The following PLEKHG2 variants were observed in gnomAD, a reference collection of about 807,000 sequenced individuals.
PLEKHG2 encodes pleckstrin homology and RhoGEF domain containing G2.
A neutral mutation model predicts 104.4 loss-of-function variants in PLEKHG2; 71 were observed. The ratio of observed to expected loss-of-function variants is 0.68; its 90% CI spans 0.56 to 0.83. The LOEUF (loss-of-function observed/expected upper bound fraction) is 0.83, where lower values mean the gene tolerates loss of function less well. Ranked by LOEUF, PLEKHG2 falls within the 40% of genes least tolerant of loss-of-function variation. The probability of loss-of-function intolerance (pLI) is 0.00; values close to 1 mark genes in which losing one functional copy is unlikely to be tolerated. For missense variants in PLEKHG2, 1,730 were observed against 1,809.4 expected (o/e 0.96, Z 0.80); for synonymous variants, 728 against 737.0 (o/e 0.99, Z 0.20).
At chr19:39,420,334 C>T (rs1004616094) in intron 11 of PLEKHG2, among the ~76,000 whole-genome samples, 2 of 150,076 alleles carry the variant, frequency 1.3e-5, no homozygotes, top group Non-Finnish European at 3.0e-5. Context: ...ACTCCAACCT[C>T]GGCAACAAGA....
At position 39,421,748 on chromosome 19, in the gene PLEKHG2, G is replaced by T. The variant is rs1035947247; in HGVS notation, c.1504-367G>T. Reference sequence around the variant, plus strand: ...AAATTTAAAAATTGAGCCAGGTACGGTGGCTCACCTGTAATCCCAGCACTT... The same window carrying T: ...AAATTTAAAAATTGAGCCAGGTACGTTGGCTCACCTGTAATCCCAGCACTT... On this transcript the variant is annotated intron_variant, in intron 16 of 18. Coordinates refer to ENST00000425673, the MANE Select transcript of PLEKHG2 (RefSeq NM_022835.3). The T allele has an allele frequency of 1.0e-4, 23 of 223,052 alleles. No individual in the cohort carries two copies. In the East Asian group the frequency reaches 2.3e-3, roughly 22 times the overall value. 13.8% of individuals were successfully genotyped at this position (223,052 alleles called of 1,614,324 possible).
chr19:39,415,525 T>C lies in PLEKHG2; in HGVS notation c.479+86T>C, dbSNP rs977262074. ...CAAACCTCGGAGCTTCGTAGTGTCC[T>C]GTCCAGGCTGGTACGTGGGGTTGTG... On this transcript the variant is annotated intron_variant, in intron 4 of 18. Transcript: ENST00000425673. The surrounding 1 kb of genome is among the most constrained non-coding windows in gnomAD (Gnocchi z 4.6). 1.4e-6 allele frequency: 2 copies of C among 1,425,458 alleles called. No homozygotes were observed. Among genetic ancestry groups the C allele is most frequent in the Non-Finnish European group, 1.9e-6 (2 of 1,035,528 alleles). 88.3% of individuals were successfully genotyped at this position (1,425,458 alleles called of 1,614,324 possible). A position where few individuals can be genotyped will look rare whatever the true frequency, so the allele number is the denominator to read the frequency against.
chr19:39,419,121 G>C (rs2078657003), intron 11 of PLEKHG2, 118 bp downstream of exon 11: 1 of 938,020 alleles, frequency 1.1e-6, no homozygotes, highest in East Asian at 2.8e-5. Flanking sequence ...ATTGCTAAAA[G>C]TGCAGAATTC....
At chr19:39,417,756 T>C (rs1046287935) in intron 8 of PLEKHG2, 64 bp downstream of exon 8, 1 of 314,462 alleles carries the variant, frequency 3.2e-6, no homozygotes, top group African/African-American at 4.1e-5. Context: ...TTGGGGCGGG[T>C]GGGGGGAAAT....
Position 39,428,054 on chromosome 19 carries a change from A to C in PLEKHG2, c.*2760A>C, listed in dbSNP as rs1462412787. On this transcript the variant is annotated 3_prime_UTR_variant, in exon 19 of 19. Transcript: ENST00000425673. ...GAAATCCCGTCTTTACTAAAAATAC[A>C]AAAAATTAGCTGGGCGTGGTGGTGG... 6.6e-6 allele frequency: 1 copy of C among 152,130 alleles called. No homozygotes were observed. The highest frequency in any genetic ancestry group is 1.5e-5 in the Non-Finnish European group (1 of 68,046). The allele number at this position is 152,130 out of a possible 1,614,324, so 9.4% of individuals were successfully genotyped here. A position where few individuals can be genotyped will look rare whatever the true frequency, so the allele number is the denominator to read the frequency against.
In PLEKHG2 at chr19:39,422,218, AC is replaced by A; in HGVS notation, c.1611del (p.Ser538LeufsTer13). On this transcript the variant is annotated frameshift_variant, in exon 17 of 19. Coordinates refer to ENST00000425673, the MANE Select transcript of PLEKHG2 (RefSeq NM_022835.3). LOFTEE classifies it high-confidence loss of function. ...DLEDAGPPTL[D>X]PSGTSITEEI... ...GAGGATGCTGGACCCCCAACACTGG[AC>A]CCCTCTGGGACCTCAATCACTGAAG... is the stretch of plus-strand genomic sequence containing the variant. 1 of 1,613,648 alleles carries A rather than the reference AC, an allele frequency of 6.2e-7. No individual in the cohort carries two copies. The highest frequency in any genetic ancestry group is 8.5e-7 in the Non-Finnish European group (1 of 1,179,894).
chr19:39,416,855 T>C lies in PLEKHG2; in HGVS notation c.599T>C (p.Leu200Pro). ...GACCTGTGCTGTGCCCCCAGCTCCCTGGCCCTGCTCCGGGAGCTGTCGTTG... is the reference window on the plus strand; with the variant it reads ...GACCTGTGCTGTGCCCCCAGCTCCCCGGCCCTGCTCCGGGAGCTGTCGTTG... ...TLYCMNYPSS[L>P]ALLRELSLSP... The change falls in exon 7 of 19, where the codon CTG (leucine) becomes CCG (proline). Residue 200 changes from leucine to proline, a missense_variant. Leu to Pro is a moderately conservative substitution (Grantham distance 98, BLOSUM62 -3). Transcript: ENST00000425673. This position sits in a 1 kb window ranked among gnomAD's most constrained non-coding sequence, Gnocchi z 4.5. 2 of 1,603,964 alleles carry C rather than the reference T, an allele frequency of 1.2e-6. No homozygotes were observed. The highest frequency in any genetic ancestry group is 1.7e-6 in the Non-Finnish European group (2 of 1,175,512).
Position 39,417,926 on chromosome 19 carries a change from G to A in PLEKHG2, c.904G>A (p.Gly302Ser), listed in dbSNP as rs1389784455. 4 of 1,542,616 alleles carry A rather than the reference G, an allele frequency of 2.6e-6. No homozygotes were observed. Among genetic ancestry groups the A allele is most frequent in the Non-Finnish European group, 3.5e-6 (4 of 1,145,600 alleles). ...GCAGGAAGTGCAGCGGCGGCTGGGT[G>A]GCTGGACCGGACCAGAGCTCAGTGC... The part of the protein sequence containing the change: ...RLQEVQRRLG[G>S]WTGPELSAFG... The change falls in exon 9 of 19, where the codon GGC becomes AGC. Residue 302 changes from glycine (G) to serine (S), a missense_variant. By Grantham distance (56) the Gly-to-Ser change is moderately conservative. Coordinates refer to ENST00000425673, the MANE Select transcript of PLEKHG2 (RefSeq NM_022835.3).
chr19:39,424,632 G>C lies in PLEKHG2; in HGVS notation c.3499G>C (p.Gly1167Arg). The C allele has an allele frequency of 6.2e-7, 1 of 1,614,030 alleles. No homozygotes were observed. The highest frequency in any genetic ancestry group is 8.5e-7 in the Non-Finnish European group (1 of 1,180,002). ...VQALPTSPKQ[G>R]SLPDIQGPAA... is the part of the protein sequence containing the mutation. Reference sequence around the variant, plus strand: ...AGCCCTCCCAACTTCACCCAAGCAGGGAAGCCTCCCAGACATCCAGGGTCC... The same window carrying C: ...AGCCCTCCCAACTTCACCCAAGCAGCGAAGCCTCCCAGACATCCAGGGTCC... Residue 1167 changes from glycine to arginine, a missense_variant, in exon 19 of 19, where the codon GGA (glycine) becomes CGA (arginine). Gly to Arg is a moderately radical substitution (Grantham distance 125, BLOSUM62 -2). Transcript: ENST00000425673.
Position 39,420,732 on chromosome 19 carries a change from C to T in PLEKHG2, c.1298-19C>T. ...TTCCAAGAAAAAGTTGGCTTTTAGC[C>T]CCAAAACTCTCCCCACAGGTGCCCC... On this transcript the variant is annotated intron_variant, in intron 12 of 18. Coordinates refer to ENST00000425673, the MANE Select transcript of PLEKHG2 (RefSeq NM_022835.3). 5.0e-6 allele frequency: 8 copies of T among 1,614,106 alleles called. No homozygotes were observed. The highest frequency in any genetic ancestry group is 1.1e-5 in the South Asian group (1 of 91,072).
chr19:39,423,981 C>G lies in PLEKHG2; in HGVS notation c.2848C>G (p.Pro950Ala). 1 of 1,614,144 alleles carries G rather than the reference C, an allele frequency of 6.2e-7. No individual in the cohort carries two copies. The highest frequency in any genetic ancestry group is 8.5e-7 in the Non-Finnish European group (1 of 1,180,000). Residue 950 changes from proline (P) to alanine (A), a missense_variant, in exon 19 of 19, where the codon CCA becomes GCA. Transcript: ENST00000425673. ...EQGGSRHVQAPAATPLPKQEG... is the reference protein window; with the variant it reads ...EQGGSRHVQAAAATPLPKQEG... ...AGGAGGTTCCCGGCATGTCCAGGCT[C>G]CAGCCGCCACACCTTTGCCCAAGCA...
rs138097813 is a variant in PLEKHG2, at chr19:39,424,103, G to A, written c.2970G>A (p.Glu990=). 5.0e-6 allele frequency: 8 copies of A among 1,613,886 alleles called. No individual in the cohort carries two copies. The African/African-American group carries it at 1.1e-4, about 22-fold the overall frequency. ...IQVPATTPLP[E]HRSHMVIPAP... is the part of the protein sequence containing the mutation. ...TTCCAGCCACCACTCCTTTGCCTGA[G>A]CATAGAAGTCACATGGTTATACCAG... The change falls in exon 19 of 19, where the codon GAG becomes GAA. Residue 990 remains glutamate, a synonymous_variant. Transcript: ENST00000425673.
chr19:39,423,570 C>A lies in PLEKHG2; in HGVS notation c.2516C>A (p.Ser839Ter). 1 of 1,537,848 alleles carries A rather than the reference C, an allele frequency of 6.5e-7. No individual in the cohort carries two copies. The highest frequency in any genetic ancestry group is 8.8e-7 in the Non-Finnish European group (1 of 1,142,628). Residue 839 changes from serine to a stop codon, truncating the protein, a stop_gained, in exon 18 of 19, where the codon TCA (serine) becomes TAA (stop). Transcript: ENST00000425673. LOFTEE classifies it high-confidence loss of function. The stretch of plus-strand genomic sequence containing the variant: ...ATGCAGCGGGCGGAGACTCGGGCAT[C>A]AGCCAATGCCCCGCGCCGCCGGCCT... ...QQMQRAETRA[S>*]ANAPRRRPRV...
intron 11 of PLEKHG2, 73 bp downstream of exon 11, chr19:39,419,076 C>T (rs1169912429): frequency 4.5e-6 from 6 of 1,346,836 alleles, no homozygotes; most frequent in Non-Finnish European, 6.1e-6. Context: ...TAAGAGACGC[C>T]CCTGCCCAAT....
rs527841717 is a variant in PLEKHG2, at chr19:39,423,563, C to T, written c.2509C>T (p.Arg837Trp). 24 of 1,537,980 alleles carry T rather than the reference C, an allele frequency of 1.6e-5. No homozygotes were observed. Among genetic ancestry groups the T allele is most frequent in the East Asian group, 1.1e-4 (5 of 43,720 alleles). Residue 837 changes from arginine (R) to tryptophan (W), a missense_variant, in exon 18 of 19, where the codon CGG becomes TGG. Coordinates refer to ENST00000425673, the MANE Select transcript of PLEKHG2 (RefSeq NM_022835.3). ...RIQQMQRAET[R>W]ASANAPRRRP... is the part of the protein sequence containing the mutation. ...CCAGCAGATGCAGCGGGCGGAGACT[C>T]GGGCATCAGCCAATGCCCCGCGCCG...
rs2078721008 is a variant in PLEKHG2 at position 39,422,826 on chromosome 19, C to T, written c.1772C>T (p.Ser591Phe). 6.4e-7 allele frequency: 1 copy of T among 1,560,490 alleles called. No homozygotes were observed. Among genetic ancestry groups the T allele is most frequent in the South Asian group, 1.2e-5 (1 of 81,032 alleles). ...TTCCAAGCCCTGCCCAGCCGGGACT[C>T]TTCAGAAGAGGAGGAGGAGGAAGAG... ...LTFQALPSRD[S>F]SEEEEEEEEG... Residue 591 changes from serine to phenylalanine, a missense_variant, in exon 18 of 19, where the codon TCT becomes TTT. By Grantham distance (155) the Ser-to-Phe change is radical. Transcript: ENST00000425673.
At position 39,423,998 on chromosome 19, in the gene PLEKHG2, G is replaced by T. The variant is rs140441769; in HGVS notation, c.2865G>T (p.Leu955Phe). Reference protein sequence around the residue: ...RHVQAPAATPLPKQEGPLHLQ... With the variant: ...RHVQAPAATPFPKQEGPLHLQ... ...TCCAGGCTCCAGCCGCCACACCTTT[G>T]CCCAAGCAAGAAGGCCCCCTGCACC... Residue 955 changes from leucine to phenylalanine, a missense_variant, in exon 19 of 19, where the codon TTG becomes TTT. Physicochemically the swap from Leu to Phe is conservative, Grantham distance 22. Coordinates refer to ENST00000425673, the MANE Select transcript of PLEKHG2 (RefSeq NM_022835.3). The T allele has an allele frequency of 7.6e-4, 1,224 of 1,614,072 alleles. 16 individuals are homozygous for T. The East Asian group carries it at 0.022, about 29-fold the overall frequency.
intron 17 of PLEKHG2, 70 bp from the exon 18 acceptor site, chr19:39,422,662 T>G: frequency 6.7e-7 from 1 of 1,485,092 alleles, no homozygotes; most frequent in Admixed American, 2.4e-5. Context: ...GTGCTGGGAT[T>G]ACAGGCGTGA....
chr19:39,424,516 C>G lies in PLEKHG2; in HGVS notation c.3383C>G (p.Pro1128Arg), dbSNP rs772686056. Reference sequence around the variant, plus strand: ...GACCATCGGATCCCAGCCAACGCCCCACTGTCTTTGTCCCAGGAGCTCCCA... The same window carrying G: ...GACCATCGGATCCCAGCCAACGCCCGACTGTCTTTGTCCCAGGAGCTCCCA... ...HLDHRIPANA[P>R]LSLSQELPDT... The change falls in exon 19 of 19, where the codon CCA (proline) becomes CGA (arginine). Residue 1128 changes from proline (P) to arginine (R), a missense_variant. Physicochemically the swap from Pro to Arg is moderately radical, Grantham distance 103. Coordinates refer to ENST00000425673, the MANE Select transcript of PLEKHG2 (RefSeq NM_022835.3). The G allele has an allele frequency of 3.7e-6, 6 of 1,614,018 alleles. No individual in the cohort carries two copies. The Admixed American group carries it at 8.3e-5, about 22-fold the overall frequency.
Sources: allele counts gnomAD v4.1 joint callset (sites outside exome capture counted in the v4.1 genomes callset), GRCh38; gene constraint gnomAD v4.1.1; non-coding constraint Gnocchi (gnomAD v3.1); transcripts MANE v1.5; gene names NCBI Gene and HGNC (gene_info 2026-07-23, HGNC 2026-07-21).